Variants in DCLK1 observed in about 807,000 individuals in gnomAD.
DCLK1 encodes serine/threonine-protein kinase DCLK1.
In DCLK1, 16 loss-of-function variants were observed where a neutral mutation model predicts 86.2. The observed-to-expected ratio is 0.19, with a 90% CI of 0.13 to 0.28. The LOEUF (loss-of-function observed/expected upper bound fraction) is 0.28. DCLK1 is among the 10% of genes least tolerant of loss of function. DCLK1 has a pLI of 1.00. For synonymous variants in DCLK1, 369 were observed against 370.5 expected (o/e 1.00, Z 0.05); for missense variants, 590 against 940.2 (o/e 0.63, Z 4.87).
Position 35,854,561 on chromosome 13 carries a change from G to A in DCLK1, c.973C>T (p.Pro325Ser), listed in dbSNP as rs563995347. The change falls in exon 6 of 17, where the codon CCG becomes TCG. Residue 325 changes from proline to serine, a missense_variant. Physicochemically the swap from Pro to Ser is moderately conservative, Grantham distance 74 (BLOSUM62 -1). Transcript: ENST00000360631. ...NGTPGSQLST[P>S]RSGKSPSPSP... Reference sequence around the variant, plus strand: ...GGGCTTGGCGACTTGCCTGAGCGCGGAGTAGAGAGCTGACTACCAGGGGTT... The same window carrying A: ...GGGCTTGGCGACTTGCCTGAGCGCGAAGTAGAGAGCTGACTACCAGGGGTT... The A allele has an allele frequency of 6.9e-6, 11 of 1,605,562 alleles. No individual in the cohort carries two copies. Among genetic ancestry groups the A allele is most frequent in the Admixed American group, 3.4e-5 (2 of 59,280 alleles).
intron 4 of DCLK1, among the ~76,000 whole-genome samples, chr13:35,878,448 C>G (rs570976171): frequency 1.3e-5 from 2 of 151,942 alleles, no homozygotes; most frequent in Non-Finnish European, 2.9e-5. Context: ...AAGCTCCACA[C>G]GCAGCACGTC....
intron 16 of DCLK1, among the ~76,000 whole-genome samples, chr13:35,779,545 T>C (rs2086485949): frequency 6.6e-6 from 1 of 152,132 alleles, no homozygotes; most frequent in Non-Finnish European, 1.5e-5. Context: ...TACGGCATTA[T>C]TTTAGGGGAC....
rs1314159368 is a variant in DCLK1 at position 35,960,753 on chromosome 13, G to A, written c.724-13296C>T. Among the ~76,000 whole-genome samples, 9 of 151,892 alleles carry A rather than the reference G, an allele frequency of 5.9e-5. No homozygotes were observed. The East Asian group carries it at 1.4e-3, about 23-fold the overall frequency. On this transcript the variant is annotated intron_variant, in intron 3 of 16. Transcript: ENST00000360631. ...ATTACAGGCATAAGCCACCATGCCT[G>A]GCCAAAAAAAAATCAGAGCTTTCCA...
At chr13:36,064,704 T>C (rs1883686831) in intron 3 of DCLK1, among the ~76,000 whole-genome samples, 1 of 146,662 alleles carries the variant, frequency 6.8e-6, no homozygotes, top group South Asian at 2.2e-4. Flanking sequence ...AGGAAATGGG[T>C]AACTTCATCT....
chr13:35,777,228 C>A (rs2086438723), intron 16 of DCLK1, among the ~76,000 whole-genome samples: 1 of 152,062 alleles, frequency 6.6e-6, no homozygotes, highest in South Asian at 2.1e-4. Context: ...CGGTCATGGG[C>A]ATGTGTCATG....
rs76535612 is a variant in DCLK1 at position 35,934,606 on chromosome 13, C to G, written c.823+12752G>C. On this transcript the variant is annotated intron_variant, in intron 4 of 16. Transcript: ENST00000360631. ...TGAGAGCAGTATTGGGGAAACTGCACCCACGATTCAATTATCTCTCACTGG... is the reference window on the plus strand; with the variant it reads ...TGAGAGCAGTATTGGGGAAACTGCAGCCACGATTCAATTATCTCTCACTGG... 2.7e-3 allele frequency among the ~76,000 whole-genome samples: 411 copies of G among 152,242 alleles called. 2 individuals carry two copies. The highest frequency in any genetic ancestry group is 9.4e-3 in the African/African-American group (389 of 41,522).
chr13:35,834,828 T>C (rs1264358739), intron 8 of DCLK1, among the ~76,000 whole-genome samples: 1 of 152,188 alleles, frequency 6.6e-6, no homozygotes, highest in Non-Finnish European at 1.5e-5. Context: ...TCTCTGTCCC[T>C]GTTGGGAATA....
chr13:35,800,312 G>C (rs971556854), intron 15 of DCLK1, among the ~76,000 whole-genome samples: 3 of 152,202 alleles, frequency 2.0e-5, no homozygotes, highest in Non-Finnish European at 4.4e-5. Context: ...CAAGTGGAGA[G>C]GAGAATCCTA....
chr13:35,862,420 T>G (rs545599097), intron 5 of DCLK1, among the ~76,000 whole-genome samples: 4 of 152,336 alleles, frequency 2.6e-5, no homozygotes, highest in Admixed American at 2.6e-4. Context: ...TTCGGTTCTG[T>G]CTTGACAATT....
At chr13:35,985,171 C>A (rs1187700318) in intron 3 of DCLK1, among the ~76,000 whole-genome samples, 2 of 152,168 alleles carry the variant, frequency 1.3e-5, no homozygotes, top group South Asian at 2.1e-4. Flanking sequence ...AGACCTGCTA[C>A]CAGCTCACTT....
At chr13:36,072,902 T>C (rs372542121) in intron 3 of DCLK1, among the ~76,000 whole-genome samples, 26 of 152,354 alleles carry the variant, frequency 1.7e-4, no homozygotes, top group African/African-American at 6.0e-4. Context: ...TCATTTTCTG[T>C]TGTATCATAA....
chr13:35,860,869 G>A (rs1871343535), intron 5 of DCLK1, among the ~76,000 whole-genome samples: 1 of 152,178 alleles, frequency 6.6e-6, no homozygotes, highest in African/African-American at 2.4e-5. Flanking sequence ...GCCAAATTGG[G>A]TGAGTGGGCT....
At chr13:35,794,494 T>C (rs1023083147) in intron 15 of DCLK1, among the ~76,000 whole-genome samples, 3 of 152,236 alleles carry the variant, frequency 2.0e-5, no homozygotes, top group Non-Finnish European at 4.4e-5. Flanking sequence ...TCAAGCATAA[T>C]GTGCTGGCTC....
At position 35,774,477 on chromosome 13, in the gene DCLK1, GGAA is replaced by G. The variant is rs1432280653; in HGVS notation, c.*55_*57del. On this transcript the variant is annotated 3_prime_UTR_variant, in exon 17 of 17. Coordinates refer to ENST00000360631, the MANE Select transcript of DCLK1 (RefSeq NM_001330071.2). Reference sequence around the variant, plus strand: ...TGAAACTGTTTTACACAAATTTGGGGGAAAAAAATCTCAGAGTCTCAAAGGGTT... The same window carrying G: ...TGAAACTGTTTTACACAAATTTGGGGAAAAATCTCAGAGTCTCAAAGGGTT... The G allele has an allele frequency of 2.0e-6, 3 of 1,538,004 alleles. No homozygotes were observed. Among genetic ancestry groups the G allele is most frequent in the African/African-American group, 2.8e-5 (2 of 72,232 alleles).
chr13:35,773,459 T>C lies in DCLK1; in HGVS notation c.*1076A>G. The C allele has an allele frequency of 6.6e-6, 1 of 152,118 alleles. No individual in the cohort carries two copies. The highest frequency in any genetic ancestry group is 6.6e-5 in the Admixed American group (1 of 15,190). 9.4% of individuals were successfully genotyped at this position (152,118 alleles called of 1,614,324 possible). On this transcript the variant is annotated 3_prime_UTR_variant, in exon 17 of 17. Coordinates refer to ENST00000360631, the MANE Select transcript of DCLK1 (RefSeq NM_001330071.2). ...CTTATTGTTAGAACATTCTGGATTG[T>C]GTTCCCAGTGTGCTTTCTCCTCAGC...
intron 4 of DCLK1, among the ~76,000 whole-genome samples, chr13:35,940,306 AT>A (rs1229923379): frequency 6.8e-5 from 10 of 148,134 alleles, no homozygotes; most frequent in Non-Finnish European, 1.2e-4. Context: ...AAAAAAAAAA[AT>A]AAGTTAGTAT....
intron 3 of DCLK1, among the ~76,000 whole-genome samples, chr13:35,963,514 G>C (rs184117630): frequency 4.5e-4 from 69 of 152,264 alleles, no homozygotes; most frequent in Non-Finnish European, 7.9e-4. Context: ...AAATTTTTCT[G>C]GCATTGTTCT....
intron 11 of DCLK1, among the ~76,000 whole-genome samples, chr13:35,812,249 C>T (rs1265163315): frequency 6.6e-6 from 1 of 152,092 alleles, no homozygotes; most frequent in East Asian, 1.9e-4. Context: ...TAATTGAGTC[C>T]CCTCTGTTGG....
At chr13:35,926,176 A>G (rs1311142137) in intron 4 of DCLK1, among the ~76,000 whole-genome samples, 3 of 151,630 alleles carry the variant, frequency 2.0e-5, no homozygotes, top group African/African-American at 7.3e-5. Context: ...CTCCTGCCTC[A>G]GCCTCCTGGG....
Sources: gnomAD v4.1 joint callset for allele counts (sites outside exome capture counted in the v4.1 genomes callset) on GRCh38, gnomAD v4.1.1 for gene constraint, MANE v1.5 for transcripts, NCBI Gene and HGNC (gene_info 2026-07-23, HGNC 2026-07-21) for gene names.